KHDRBS2: variants seen among roughly 807,000 people sequenced by gnomAD.
KHDRBS2 encodes the protein KH RNA binding domain containing, signal transduction associated 2, also known as KH domain-containing, RNA-binding, signal transduction-associated protein 2.
KHDRBS2 carries 26 observed loss-of-function variants against 44.3 expected under a neutral mutation model. The observed-to-expected ratio is 0.59, with a 90% CI of 0.43 to 0.81. The LOEUF is 0.81. KHDRBS2 is among the 40% of genes least tolerant of loss of function. The pLI, the probability that KHDRBS2 is intolerant of heterozygous loss-of-function variation, is 0.00. For missense variants in KHDRBS2, 476 were observed against 433.1 expected (o/e 1.10, Z -0.88); for synonymous variants, 194 against 151.1 (o/e 1.28, Z -2.08).
chr6:61,782,523 TTAAAG>T (rs1783096285), intron 6 of KHDRBS2, among the ~76,000 whole-genome samples: 1 of 151,756 alleles, frequency 6.6e-6, no homozygotes, highest in African/African-American at 2.4e-5. Context: ...CACAGATGAA[TTAAAG>T]TACTTTCTTC....
At chr6:61,839,525 A>G (rs1793265538) in intron 6 of KHDRBS2, among the ~76,000 whole-genome samples, 1 of 152,170 alleles carries the variant, frequency 6.6e-6, no homozygotes, top group African/African-American at 2.4e-5. Flanking sequence ...AGGTTCAAAC[A>G]TAACTTGGCT....
At chr6:62,002,181 C>G (rs930472672) in intron 3 of KHDRBS2, among the ~76,000 whole-genome samples, 2 of 114,224 alleles carry the variant, frequency 1.8e-5, no homozygotes, top group African/African-American at 5.9e-5. Flanking sequence ...ATAATCACCA[C>G]AGTGATTAAA....
chr6:62,238,693 C>T lies in KHDRBS2; in HGVS notation c.91+47165G>A, dbSNP rs1006193703. Among the ~76,000 whole-genome samples the T allele has an allele frequency of 3.1e-3, 466 of 147,956 alleles. 2 individuals carry two copies. The highest frequency in any genetic ancestry group is 3.6e-3 in the Non-Finnish European group (240 of 65,804). ...AAGGCTTTTAAGTTTTATATACACACACACACACACACACACACACACACA... is the reference window on the plus strand; with the variant it reads ...AAGGCTTTTAAGTTTTATATACACATACACACACACACACACACACACACA... On this transcript the variant is annotated intron_variant, in intron 1 of 8. Coordinates refer to ENST00000281156, the MANE Select transcript of KHDRBS2 (RefSeq NM_152688.4).
At chr6:61,643,467 T>C in the KHDRBS2 span, among the ~76,000 whole-genome samples, 3,759 of 152,110 alleles carry the variant, frequency 0.025, 71 homozygotes, top group Middle Eastern at 0.092. Context: ...GCCAGAGCAA[T>C]CAGGCAAGAG....
chr6:61,563,267 A>AT, the KHDRBS2 span, among the ~76,000 whole-genome samples: 1 of 152,008 alleles, frequency 6.6e-6, no homozygotes, highest in Non-Finnish European at 1.5e-5. Context: ...TGTCATGTCA[A>AT]TTTCCCTGCT....
chr6:61,945,111 A>ATATATTT (rs1242129681), intron 4 of KHDRBS2, among the ~76,000 whole-genome samples: 1 of 37,774 alleles, frequency 2.6e-5, no homozygotes, highest in Non-Finnish European at 4.4e-5. Context: ...AAAAAAAAAA[A>ATATATTT]AGTATATATA....
intron 4 of KHDRBS2, among the ~76,000 whole-genome samples, chr6:61,967,605 G>A (rs1770326303): frequency 6.6e-6 from 1 of 151,832 alleles, no homozygotes; most frequent in Non-Finnish European, 1.5e-5. Context: ...GTGAGTAGAA[G>A]CTCTGAAGTC....
chr6:61,866,661 T>C (rs1018290830), intron 6 of KHDRBS2, among the ~76,000 whole-genome samples: 3 of 152,240 alleles, frequency 2.0e-5, no homozygotes, highest in Non-Finnish European at 4.4e-5. Context: ...TGAATTTCTG[T>C]GCTCTGCTTC....
chr6:61,777,798 A>G (rs1261561444), intron 6 of KHDRBS2, among the ~76,000 whole-genome samples: 5 of 152,198 alleles, frequency 3.3e-5, no homozygotes, highest in Non-Finnish European at 1.5e-5. Flanking sequence ...AATATCACAT[A>G]GCTGTAAAAA....
At chr6:61,739,003 G>C (rs1437697965) in intron 6 of KHDRBS2, among the ~76,000 whole-genome samples, 8 of 151,542 alleles carry the variant, frequency 5.3e-5, no homozygotes, top group Middle Eastern at 3.2e-3. Flanking sequence ...CTTAATAATT[G>C]CCTCTCCAAA....
At chr6:61,606,186 A>G in the KHDRBS2 span, among the ~76,000 whole-genome samples, 3 of 151,982 alleles carry the variant, frequency 2.0e-5, no homozygotes, top group African/African-American at 4.8e-5. Context: ...CTCTTTTCGG[A>G]CTCAGCCTGC....
intron 2 of KHDRBS2, among the ~76,000 whole-genome samples, chr6:62,129,503 GA>G (rs1383939600): frequency 6.6e-6 from 1 of 152,092 alleles, no homozygotes; most frequent in Non-Finnish European, 1.5e-5. Flanking sequence ...CGGAACTTAA[GA>G]AGAGCAAAAT....
chr6:61,664,364 C>A, the KHDRBS2 span, among the ~76,000 whole-genome samples: 1 of 151,570 alleles, frequency 6.6e-6, no homozygotes, highest in Non-Finnish European at 1.5e-5. Flanking sequence ...CTAATATATC[C>A]AAATACTGGG....
At chr6:61,747,032 GA>G (rs545053192) in intron 6 of KHDRBS2, among the ~76,000 whole-genome samples, 3,745 of 93,292 alleles carry the variant, frequency 0.04, 86 homozygotes, top group Middle Eastern at 0.13. Flanking sequence ...AAATGTAAAA[GA>G]AAAAAAAAGA....
the KHDRBS2 span, among the ~76,000 whole-genome samples, chr6:61,631,717 G>C: frequency 6.6e-6 from 1 of 152,156 alleles, no homozygotes; most frequent in Non-Finnish European, 1.5e-5. Flanking sequence ...TGGAAATGGA[G>C]ACGTAAGTTA....
At chr6:62,125,112 G>C (rs374138705) in intron 2 of KHDRBS2, among the ~76,000 whole-genome samples, 2 of 152,168 alleles carry the variant, frequency 1.3e-5, no homozygotes, top group East Asian at 1.9e-4. Context: ...AGGCACTGAA[G>C]AGGGTAAGAA....
intron 1 of KHDRBS2, among the ~76,000 whole-genome samples, chr6:62,211,753 C>T (rs1829083960): frequency 6.6e-6 from 1 of 152,090 alleles, no homozygotes; most frequent in Non-Finnish European, 1.5e-5. Context: ...TGGGGCGATA[C>T]CTGAAAGACC....
At chr6:62,114,552 T>C (rs1240608269) in intron 2 of KHDRBS2, among the ~76,000 whole-genome samples, 1 of 152,134 alleles carries the variant, frequency 6.6e-6, no homozygotes, top group Non-Finnish European at 1.5e-5. Flanking sequence ...TCTGTACAAA[T>C]AATATTCATC....
intron 1 of KHDRBS2, among the ~76,000 whole-genome samples, chr6:62,210,842 TA>T (rs1320783748): frequency 6.6e-6 from 1 of 152,090 alleles, no homozygotes; most frequent in African/African-American, 2.4e-5. Flanking sequence ...AGTTACCCTC[TA>T]AAATAAAGAT....
Sources: gnomAD v4.1 joint callset for allele counts (sites outside exome capture counted in the v4.1 genomes callset) on GRCh38, gnomAD v4.1.1 for gene constraint, MANE v1.5 for transcripts, NCBI Gene and HGNC (gene_info 2026-07-23, HGNC 2026-07-21) for gene names.